The following B4GALT6 variants were observed in gnomAD, a reference collection of about 807,000 sequenced individuals.
B4GALT6 encodes the protein beta-1,4-galactosyltransferase 6.
B4GALT6 carries 14 observed loss-of-function variants against 46.3 expected under a neutral mutation model. The ratio of observed to expected loss-of-function variants is 0.30; its 90% CI spans 0.20 to 0.47. B4GALT6 has a LOEUF of 0.47. Among genes scored for constraint, B4GALT6 ranks in the 20% least tolerant of loss-of-function variants. B4GALT6 has a pLI of 0.99. For synonymous variants in B4GALT6, 168 were observed against 162.0 expected, an observed-to-expected ratio of 1.04 and a Z score of -0.28; for missense variants, 386 against 480.1, an observed-to-expected ratio of 0.80 and a Z score of 1.83.
intron 1 of B4GALT6, among the ~76,000 whole-genome samples, chr18:31,683,318 C>A (rs990931922): frequency 1.3e-5 from 2 of 152,116 alleles, no homozygotes; most frequent in South Asian, 2.1e-4. Flanking sequence ...TTAGCTAACT[C>A]GGAACAAAGA....
chr18:31,704,877 G>A, the B4GALT6 span, among the ~76,000 whole-genome samples: 2 of 152,176 alleles, frequency 1.3e-5, no homozygotes, highest in Non-Finnish European at 2.9e-5. Context: ...TTTACAGTTT[G>A]AGAGATATAT....
chr18:31,722,509 C>T, the B4GALT6 span, among the ~76,000 whole-genome samples: 13 of 152,314 alleles, frequency 8.5e-5, no homozygotes, highest in South Asian at 1.7e-3. Context: ...GCTCACATTA[C>T]AATGAGTCTT....
chr18:31,709,945 A>T, the B4GALT6 span, among the ~76,000 whole-genome samples: 1 of 151,954 alleles, frequency 6.6e-6, no homozygotes, highest in African/African-American at 2.4e-5. Context: ...AATACAAAAA[A>T]TTAGCTGGGT....
chr18:31,696,686 A>G, the B4GALT6 span, among the ~76,000 whole-genome samples: 4 of 152,142 alleles, frequency 2.6e-5, no homozygotes, highest in Non-Finnish European at 4.4e-5. Flanking sequence ...TTTCAGGAGT[A>G]ATAGGTAGAT....
intron 5 of B4GALT6, 72 bp from the exon 6 acceptor site, chr18:31,631,218 T>TTC: frequency 7.6e-7 from 1 of 1,315,854 alleles, no homozygotes; most frequent in Non-Finnish European, 1.0e-6. Context: ...TTTTTTTTCT[T>TTC]TTTTTTGGTA....
chr18:31,665,583 TA>T (rs1183489236), intron 2 of B4GALT6, among the ~76,000 whole-genome samples: 2 of 151,048 alleles, frequency 1.3e-5, no homozygotes, highest in Non-Finnish European at 3.0e-5. Flanking sequence ...ATCAAAAATT[TA>T]AAAAAAAATT....
chr18:31,723,605 C>G, the B4GALT6 span, among the ~76,000 whole-genome samples: 1 of 152,100 alleles, frequency 6.6e-6, no homozygotes, highest in Non-Finnish European at 1.5e-5. Context: ...TGCTCACCCC[C>G]CAAAACCCCT....
chr18:31,648,985 G>A (rs1196332423), intron 3 of B4GALT6, among the ~76,000 whole-genome samples: 1 of 152,156 alleles, frequency 6.6e-6, no homozygotes, highest in Admixed American at 6.5e-5. Context: ...AAGAGCTGAT[G>A]ACAGTGTCAG....
At chr18:31,642,353 A>AT (rs2073940480) in intron 4 of B4GALT6, among the ~76,000 whole-genome samples, 2 of 152,068 alleles carry the variant, frequency 1.3e-5, no homozygotes, top group Non-Finnish European at 2.9e-5. Context: ...AAAAATCAGC[A>AT]TTTTCACCAT....
chr18:31,696,506 A>C, the B4GALT6 span, among the ~76,000 whole-genome samples: 1 of 152,004 alleles, frequency 6.6e-6, no homozygotes, highest in Non-Finnish European at 1.5e-5. Flanking sequence ...TAATCTTCAA[A>C]TTTTTAATGT....
At chr18:31,689,994 C>T (rs8084191), upstream of B4GALT6, among the ~76,000 whole-genome samples, 3 of 152,068 alleles carry the variant, frequency 2.0e-5, no homozygotes, top group East Asian at 5.8e-4. Context: ...CTGAGAATCT[C>T]GAGAGATAGC....
At chr18:31,666,230 A>G in intron 2 of B4GALT6, 26 bp downstream of exon 2, 1 of 1,352,514 alleles carries the variant, frequency 7.4e-7, no homozygotes, top group Non-Finnish European at 1.0e-6. Flanking sequence ...TGTAACTACA[A>G]GGGGTTAAGC....
At chr18:31,667,782 T>C (rs1349944063) in intron 1 of B4GALT6, among the ~76,000 whole-genome samples, 1 of 152,182 alleles carries the variant, frequency 6.6e-6, no homozygotes, top group East Asian at 1.9e-4. Context: ...AGTTTACAAA[T>C]ACAACACATT....
the B4GALT6 span, among the ~76,000 whole-genome samples, chr18:31,700,705 C>T: frequency 2.0e-5 from 3 of 152,078 alleles, no homozygotes; most frequent in Non-Finnish European, 2.9e-5. Context: ...ATCTGCATGC[C>T]TCGGCCTCCC....
At chr18:31,627,600 C>T (rs1303032033) in intron 6 of B4GALT6, among the ~76,000 whole-genome samples, 11 of 152,100 alleles carry the variant, frequency 7.2e-5, no homozygotes, top group Admixed American at 7.2e-4. Flanking sequence ...TGTCTAGCTA[C>T]CTACTTTTAT....
At chr18:31,650,176 A>T (rs1463649006) in intron 3 of B4GALT6, among the ~76,000 whole-genome samples, 1 of 152,100 alleles carries the variant, frequency 6.6e-6, no homozygotes, top group Non-Finnish European at 1.5e-5. Flanking sequence ...CTATATCCAC[A>T]CTGGCCTCTG....
the B4GALT6 span, among the ~76,000 whole-genome samples, chr18:31,690,971 C>G: frequency 6.6e-6 from 1 of 151,928 alleles, no homozygotes. Flanking sequence ...GGGAACACCA[C>G]ACACCGGAGC....
chr18:31,633,622 GA>G (rs745931708), intron 5 of B4GALT6, among the ~76,000 whole-genome samples: 3 of 152,156 alleles, frequency 2.0e-5, no homozygotes, highest in Non-Finnish European at 4.4e-5. Context: ...TTGCTTCTCT[GA>G]TTTCCTCCCC....
chr18:31,712,312 TTTTTTTTG>T, the B4GALT6 span, among the ~76,000 whole-genome samples: 1 of 71,104 alleles, frequency 1.4e-5, no homozygotes, highest in African/African-American at 3.6e-5. Flanking sequence ...TTTTTTTTTT[TTTTTTTTG>T]TAGACAGGGT....
Sources: gnomAD v4.1 joint callset for allele counts (sites outside exome capture counted in the v4.1 genomes callset) on GRCh38, gnomAD v4.1.1 for gene constraint, MANE v1.5 for transcripts, NCBI Gene and HGNC (gene_info 2026-07-23, HGNC 2026-07-21) for gene names.